Variants in CNTNAP2 observed in about 807,000 individuals in gnomAD.
CNTNAP2 encodes contactin-associated protein-like 2.
A neutral mutation model predicts 155.2 loss-of-function variants in CNTNAP2; 98 were observed. The observed-to-expected ratio is 0.63, with a 90% CI of 0.54 to 0.75. The LOEUF (loss-of-function observed/expected upper bound fraction) is 0.75, where lower values mean the gene tolerates loss of function less well. Ranked by LOEUF, CNTNAP2 falls within the 30% of genes least tolerant of loss-of-function variation. The pLI is 0.00. For synonymous variants in CNTNAP2, 651 were observed against 631.2 expected (o/e 1.03, Z -0.47); for missense variants, 1,727 against 1,688.1 (o/e 1.02, Z -0.40).
At chr7:146,602,659 T>A (rs1402063161) in intron 1 of CNTNAP2, among the ~76,000 whole-genome samples, 1 of 152,224 alleles carries the variant, frequency 6.6e-6, no homozygotes. Context: ...ATTAAATTTT[T>A]TACTGATTGG....
chr7:148,102,159 TC>T (rs1804114596), intron 15 of CNTNAP2, among the ~76,000 whole-genome samples: 2 of 152,128 alleles, frequency 1.3e-5, no homozygotes, highest in Admixed American at 6.5e-5. Flanking sequence ...GGCCCCTGGG[TC>T]TGTTGTTTCC....
rs77831464 is a variant in CNTNAP2, at chr7:146,264,170, G to C, written c.97+147197G>C. ...GAAAAGCAATCTATCCAGGCCAGGA[G>C]GGGTGGCTCATGCCTGTAATCCCAG... On this transcript the variant is annotated intron_variant, in intron 1 of 23. Transcript: ENST00000361727. Among the ~76,000 whole-genome samples, 647 of 152,260 alleles carry C rather than the reference G, an allele frequency of 4.2e-3. 5 individuals carry two copies. Among genetic ancestry groups the C allele is most frequent in the African/African-American group, 0.015 (620 of 41,548 alleles).
chr7:146,847,848 A>C (rs1794789383), intron 3 of CNTNAP2, among the ~76,000 whole-genome samples: 1 of 152,106 alleles, frequency 6.6e-6, no homozygotes, highest in South Asian at 2.1e-4. Flanking sequence ...GTTTTTTCAG[A>C]TATATATTTT....
chr7:146,831,430 C>T (rs986242839), intron 2 of CNTNAP2, among the ~76,000 whole-genome samples: 1 of 152,004 alleles, frequency 6.6e-6, no homozygotes, highest in Admixed American at 6.6e-5. Flanking sequence ...GTAATCTCTG[C>T]ACTTTGGGAA....
chr7:147,427,588 A>C (rs1797400103), intron 10 of CNTNAP2, among the ~76,000 whole-genome samples: 2 of 152,298 alleles, frequency 1.3e-5, no homozygotes, highest in Admixed American at 6.5e-5. Context: ...TAGTGGGTAG[A>C]TAACCAATAG....
chr7:146,860,536 G>T lies in CNTNAP2; in HGVS notation c.402+20632G>T, dbSNP rs555075364. ...TAGAACAGCCCCTGCAGTTCAATAA[G>T]TACACAAACTAGATAGGGACATATT... On this transcript the variant is annotated intron_variant, in intron 3 of 23. Coordinates refer to ENST00000361727, the MANE Select transcript of CNTNAP2 (RefSeq NM_014141.6). 1.3e-4 allele frequency among the ~76,000 whole-genome samples: 20 copies of T among 152,188 alleles called. No homozygotes were observed. In the East Asian group the frequency reaches 3.3e-3, roughly 25 times the overall value.
chr7:146,685,645 C>T (rs114001593), intron 1 of CNTNAP2, among the ~76,000 whole-genome samples: 135 of 151,972 alleles, frequency 8.9e-4, no homozygotes, highest in African/African-American at 3.1e-3. Flanking sequence ...AACAAGCCTA[C>T]GTAGTAATAA....
intron 1 of CNTNAP2, among the ~76,000 whole-genome samples, chr7:146,630,664 T>A (rs527380078): frequency 2.6e-5 from 4 of 152,196 alleles, no homozygotes; most frequent in African/African-American, 9.6e-5. Context: ...TTTTTAATAA[T>A]TGCCATTCTG....
intron 1 of CNTNAP2, among the ~76,000 whole-genome samples, chr7:146,729,473 T>G (rs1345223793): frequency 1.3e-5 from 2 of 151,962 alleles, no homozygotes; most frequent in African/African-American, 4.8e-5. Flanking sequence ...AAAAAGAGCT[T>G]AAGAGAAATG....
At chr7:148,145,117 G>A (rs1161299131) in intron 16 of CNTNAP2, among the ~76,000 whole-genome samples, 1 of 152,182 alleles carries the variant, frequency 6.6e-6, no homozygotes, top group East Asian at 1.9e-4. Flanking sequence ...CGGAAGGGGT[G>A]TGGAATGTGC....
chr7:146,407,824 T>C (rs555156044), intron 1 of CNTNAP2, among the ~76,000 whole-genome samples: 1 of 152,180 alleles, frequency 6.6e-6, no homozygotes, highest in Non-Finnish European at 1.5e-5. Flanking sequence ...CTCTTTCCAC[T>C]CCTGCCCAGT....
At chr7:146,525,921 G>T (rs801954) in intron 1 of CNTNAP2, among the ~76,000 whole-genome samples, 4,354 of 152,188 alleles carry the variant, frequency 0.029, 206 homozygotes, top group African/African-American at 0.099. Flanking sequence ...ATCTGCTTAT[G>T]TTAGCCAATG....
chr7:147,808,252 G>A (rs1798124717), intron 13 of CNTNAP2, among the ~76,000 whole-genome samples: 1 of 152,176 alleles, frequency 6.6e-6, no homozygotes. Context: ...AGCAGGAACT[G>A]CTGGGACCCA....
chr7:146,507,696 T>C (rs1189327533), intron 1 of CNTNAP2, among the ~76,000 whole-genome samples: 1 of 152,190 alleles, frequency 6.6e-6, no homozygotes, highest in Non-Finnish European at 1.5e-5. Context: ...CTTGTTTTCA[T>C]TCACAGCCAA....
At chr7:148,266,959 C>G (rs1178112709) in intron 20 of CNTNAP2, 74 bp from the exon 21 acceptor site, 28 of 1,338,982 alleles carry the variant, frequency 2.1e-5, no homozygotes, top group Non-Finnish European at 2.9e-5. Flanking sequence ...GTGATGTCAT[C>G]CCCACAGGGA....
chr7:147,606,007 C>T (rs1166602512), intron 12 of CNTNAP2, among the ~76,000 whole-genome samples: 2 of 151,896 alleles, frequency 1.3e-5, no homozygotes, highest in Non-Finnish European at 2.9e-5. Flanking sequence ...AGTAGCAAGT[C>T]TAACAACGGT....
chr7:147,448,709 T>C (rs578013491), intron 10 of CNTNAP2, among the ~76,000 whole-genome samples: 1 of 152,136 alleles, frequency 6.6e-6, no homozygotes, highest in East Asian at 1.9e-4. Flanking sequence ...GGGAGAGGCA[T>C]CATGAAATAA....
intron 1 of CNTNAP2, among the ~76,000 whole-genome samples, chr7:146,295,874 CAAA>C (rs112015205): frequency 1.9e-5 from 2 of 107,288 alleles, no homozygotes. Context: ...GACTCCATCT[CAAA>C]AAAAAAAAAA....
intron 1 of CNTNAP2, among the ~76,000 whole-genome samples, chr7:146,336,243 G>A (rs1456910949): frequency 6.6e-6 from 1 of 150,742 alleles, no homozygotes; most frequent in Admixed American, 6.6e-5. Flanking sequence ...TTTATCTATA[G>A]TGAGACAAGT....
Sources: gnomAD v4.1 joint callset for allele counts (sites outside exome capture counted in the v4.1 genomes callset) on GRCh38, gnomAD v4.1.1 for gene constraint, MANE v1.5 for transcripts, NCBI Gene and HGNC (gene_info 2026-07-23, HGNC 2026-07-21) for gene names.